Variants in MYH15 observed in about 807,000 individuals in gnomAD.
MYH15 encodes the protein myosin heavy chain 15.
MYH15 carries 227 observed loss-of-function variants against 240.5 expected under a neutral mutation model. The observed-to-expected ratio is 0.94, with a 90% CI of 0.85 to 1.05. The LOEUF (loss-of-function observed/expected upper bound fraction) is 1.05, where lower values mean the gene tolerates loss of function less well. Among genes scored for constraint, MYH15 ranks in the 50% least tolerant of loss-of-function variants. The pLI is 0.00. For synonymous variants in MYH15, 785 were observed against 796.7 expected, an observed-to-expected ratio of 0.99 and a Z score of 0.25; for missense variants, 2,217 against 2,247.5, an observed-to-expected ratio of 0.99 and a Z score of 0.27.
upstream of MYH15, among the ~76,000 whole-genome samples, chr3:108,512,700 T>G (rs1248113435): frequency 1.3e-5 from 2 of 152,142 alleles, no homozygotes; most frequent in Non-Finnish European, 2.9e-5. Flanking sequence ...ATTAACAGAT[T>G]TTTTACAAGT....
intron 1 of MYH15, among the ~76,000 whole-genome samples, chr3:108,507,226 A>AATATATATATATATATATAT (rs147101810): frequency 2.0e-5 from 2 of 98,526 alleles, no homozygotes; most frequent in Non-Finnish European, 1.9e-5. Context: ...AAGGAAAATG[A>AATATATATATATATATATAT]ATATATATAT....
intron 33 of MYH15, 28 bp from the exon 34 acceptor site, chr3:108,399,295 G>A: frequency 6.4e-7 from 1 of 1,550,606 alleles, no homozygotes; most frequent in Non-Finnish European, 8.9e-7. Context: ...TTGGAGTGGG[G>A]GAAATGACAC....
Position 108,440,987 on chromosome 3 carries a change from G to C in MYH15, c.2898+31C>G, listed in dbSNP as rs570774292. On this transcript the variant is annotated intron_variant, in intron 23 of 40. Coordinates refer to ENST00000693548, the MANE Select transcript of MYH15 (RefSeq NM_014981.3). ...TTGAGAGTGGAATTCTGGCTGCTAGGCCTTCTTAACTAACATTATGGAAAA... is the reference window on the plus strand; with the variant it reads ...TTGAGAGTGGAATTCTGGCTGCTAGCCCTTCTTAACTAACATTATGGAAAA... The C allele has an allele frequency of 2.5e-6, 4 of 1,611,150 alleles. No homozygotes were observed. The East Asian group carries it at 6.7e-5, about 27-fold the overall frequency.
the MYH15 span, among the ~76,000 whole-genome samples, chr3:108,544,229 A>C: frequency 6.6e-6 from 1 of 152,176 alleles, no homozygotes; most frequent in Non-Finnish European, 1.5e-5. Flanking sequence ...CTCATATTCT[A>C]TCTCTTACTC....
intron 16 of MYH15, among the ~76,000 whole-genome samples, chr3:108,461,351 A>G (rs1020392454): frequency 1.3e-5 from 2 of 152,190 alleles, no homozygotes; most frequent in African/African-American, 4.8e-5. Flanking sequence ...TTAATTTTTT[A>G]AAAAGAATTA....
At chr3:108,428,105 A>C (rs148685947) in intron 27 of MYH15, among the ~76,000 whole-genome samples, 1 of 152,220 alleles carries the variant, frequency 6.6e-6, no homozygotes, top group African/African-American at 2.4e-5. Flanking sequence ...TGTGTACACC[A>C]TTCATTCAGA....
chr3:108,491,493 C>A (rs2083347966), intron 9 of MYH15, among the ~76,000 whole-genome samples: 1 of 152,108 alleles, frequency 6.6e-6, no homozygotes, highest in Non-Finnish European at 1.5e-5. Context: ...TCAGTCTCTA[C>A]CAAGACCTGT....
intron 21 of MYH15, 41 bp from the exon 22 acceptor site, chr3:108,444,936 C>A (rs1156904437): frequency 1.3e-6 from 2 of 1,548,346 alleles, no homozygotes; most frequent in South Asian, 1.2e-5. Flanking sequence ...TTAGCCCTGA[C>A]TATAGGAGAA....
At chr3:108,494,201 T>A (rs575096780) in intron 7 of MYH15, among the ~76,000 whole-genome samples, 9 of 152,176 alleles carry the variant, frequency 5.9e-5, no homozygotes, top group Admixed American at 2.6e-4. Flanking sequence ...AACTAGTACA[T>A]TAAAATATGT....
At chr3:108,474,784 G>C (rs184070382) in intron 12 of MYH15, among the ~76,000 whole-genome samples, 89 of 152,242 alleles carry the variant, frequency 5.8e-4, no homozygotes, top group African/African-American at 2.1e-3. Flanking sequence ...CTAACCCCCT[G>C]CCAAGAAATA....
chr3:108,422,828 CAAAGGACCAGG>C (rs1249765870), intron 27 of MYH15, among the ~76,000 whole-genome samples: 1 of 152,116 alleles, frequency 6.6e-6, no homozygotes, highest in East Asian at 1.9e-4. Context: ...GAGCAATGGC[CAAAGGACCAGG>C]AATATTTCAA....
At position 108,463,202 on chromosome 3, in the gene MYH15, G is replaced by T; in HGVS notation, c.1773C>A (p.Asp591Glu). The change falls in exon 16 of 41, where the codon GAC becomes GAA. Residue 591 changes from aspartate (D) to glutamate (E), a missense_variant. Physicochemically the swap from Asp to Glu is conservative, Grantham distance 45 (BLOSUM62 2). Transcript: ENST00000693548. ...CAGCTACCACTGTTTCATTAAGGAG[G>T]TCTTTGTTCTTTTCCAGCCAACCAC... ...NISGWLEKNK[D>E]LLNETVVAVF... is the part of the protein sequence containing the mutation. 1.2e-6 allele frequency: 2 copies of T among 1,612,934 alleles called. No homozygotes were observed. The highest frequency in any genetic ancestry group is 1.7e-6 in the Non-Finnish European group (2 of 1,179,562).
intron 12 of MYH15, among the ~76,000 whole-genome samples, chr3:108,475,019 A>C (rs1326562241): frequency 1.3e-5 from 2 of 152,214 alleles, no homozygotes; most frequent in Non-Finnish European, 2.9e-5. Flanking sequence ...TTATCCATTT[A>C]TAGAGTAAGC....
chr3:108,490,651 T>C (rs1388875943), intron 9 of MYH15, among the ~76,000 whole-genome samples: 2 of 152,226 alleles, frequency 1.3e-5, no homozygotes, highest in African/African-American at 4.8e-5. Flanking sequence ...TCAGGACCTT[T>C]GTACTCACTG....
chr3:108,451,918 A>G (rs1489289291), intron 21 of MYH15, among the ~76,000 whole-genome samples: 1 of 151,972 alleles, frequency 6.6e-6, no homozygotes, highest in Admixed American at 6.6e-5. Flanking sequence ...AAATGATTAA[A>G]TAATTTCCTG....
At chr3:108,531,286 C>T (rs549779301), upstream of MYH15, among the ~76,000 whole-genome samples, 4 of 152,074 alleles carry the variant, frequency 2.6e-5, no homozygotes, top group African/African-American at 9.6e-5. Context: ...CCGGTGGGAC[C>T]CCAGGGAGAG....
chr3:108,470,877 T>C, intron 12 of MYH15, 30 bp from the exon 13 acceptor site: 6 of 1,610,390 alleles, frequency 3.7e-6, no homozygotes, highest in Non-Finnish European at 5.1e-6. Flanking sequence ...CACTCCTTCA[T>C]CTGACTGAAG....
upstream of MYH15, among the ~76,000 whole-genome samples, chr3:108,529,644 C>T (rs1303067012): frequency 6.6e-6 from 1 of 152,088 alleles, no homozygotes; most frequent in African/African-American, 2.4e-5. Context: ...AAAGATTTAG[C>T]CCCCTACCTA....
Position 108,414,287 on chromosome 3 carries a change from T to G in MYH15, c.4090A>C (p.Arg1364=), listed in dbSNP as rs1349324823. ...ATGACATTGTTTTCATACTTCATTC[T>G]CCATTGCACCATTTCAGCATTGACT... ...SKVNAEMVQW[R]MKYENNVIQR... Residue 1364 remains arginine (R), a synonymous_variant, in exon 30 of 41, where the codon AGA becomes CGA. Transcript: ENST00000693548. 4 of 1,614,060 alleles carry G rather than the reference T, an allele frequency of 2.5e-6. No homozygotes were observed. The highest frequency in any genetic ancestry group is 3.4e-6 in the Non-Finnish European group (4 of 1,180,030).
Sources: gnomAD v4.1 joint callset for allele counts (sites outside exome capture counted in the v4.1 genomes callset) on GRCh38, gnomAD v4.1.1 for gene constraint, MANE v1.5 for transcripts, NCBI Gene and HGNC (gene_info 2026-07-23, HGNC 2026-07-21) for gene names.